Variants in SYNC observed in about 807,000 individuals in gnomAD.
SYNC encodes syncoilin.
SYNC carries 38 observed loss-of-function variants against 49.5 expected under a neutral mutation model. That is an observed-to-expected ratio of 0.77 (90% CI 0.59 to 1.01). The LOEUF is 1.01. SYNC is among the 50% of genes least tolerant of loss of function. The pLI is 0.00. For missense variants in SYNC, 579 were observed against 580.6 expected (o/e 1.00, Z 0.03); for synonymous variants, 201 against 230.8 (o/e 0.87, Z 1.17).
rs1650413030 is a variant in SYNC at position 32,695,999 on chromosome 1, T to C, written c.99A>G (p.Gly33=). Reference sequence around the variant, plus strand: ...TCAAGGCTTCTGCCTCATTTAGGGATCCAGAGTTCTTTGGAAGAGGAGAAT... The same window carrying C: ...TCAAGGCTTCTGCCTCATTTAGGGACCCAGAGTTCTTTGGAAGAGGAGAAT... ...EANSPLPKNS[G]SLNEAEALNP... is the part of the protein sequence containing the mutation. The change falls in exon 2 of 5, where the codon GGA becomes GGG. Residue 33 remains glycine, a synonymous_variant. Coordinates refer to ENST00000409190, the MANE Select transcript of SYNC (RefSeq NM_030786.3). The C allele has an allele frequency of 1.3e-6, 2 of 1,539,998 alleles. No homozygotes were observed. Among genetic ancestry groups the C allele is most frequent in the Non-Finnish European group, 1.7e-6 (2 of 1,146,922 alleles).
At chr1:32,681,903 G>C (rs780150614) in intron 4 of SYNC, 43 bp from the exon 5 acceptor site, 5 of 1,560,830 alleles carry the variant, frequency 3.2e-6, no homozygotes, top group Non-Finnish European at 4.4e-6. Flanking sequence ...GAACTTCTGA[G>C]GTTTAGTTAC....
In SYNC at chr1:32,695,076, T is replaced by C; in HGVS notation, c.1022A>G (p.Glu341Gly). 1 of 1,613,446 alleles carries C rather than the reference T, an allele frequency of 6.2e-7. No individual in the cohort carries two copies. The highest frequency in any genetic ancestry group is 1.1e-5 in the South Asian group (1 of 91,064). The change falls in exon 2 of 5, where the codon GAG becomes GGG. Residue 341 changes from glutamate (E) to glycine (G), a missense_variant. By Grantham distance (98) the Glu-to-Gly change is moderately conservative. Coordinates refer to ENST00000409190, the MANE Select transcript of SYNC (RefSeq NM_030786.3). ...CCGCAGGAACTGAGGCTCATACTCC[T>C]CCTCCAGGTCCTGGCGGCTCTCTGC... ...LMAESRQDLEEEYEPQFLRLL... is the reference protein window; with the variant it reads ...LMAESRQDLEGEYEPQFLRLL...
chr1:32,694,367 G>A (rs771573321), intron 2 of SYNC, among the ~76,000 whole-genome samples: 5 of 148,198 alleles, frequency 3.4e-5, no homozygotes, highest in Non-Finnish European at 7.5e-5. Flanking sequence ...AAAAAACAGA[G>A]TGCAGGCCGG....
chr1:32,682,089 C>A (rs1649478096), intron 4 of SYNC: 3 of 518,342 alleles, frequency 5.8e-6, no homozygotes, highest in Non-Finnish European at 1.0e-5. Flanking sequence ...GGTATAATTA[C>A]AATGCCTGAA....
At chr1:32,684,449 C>A in intron 2 of SYNC, 67 bp from the exon 3 acceptor site, 1 of 1,604,088 alleles carries the variant, frequency 6.2e-7, no homozygotes, top group South Asian at 1.1e-5. Flanking sequence ...TCCACTCTTA[C>A]TTATAAAACA....
chr1:32,699,219 T>C (rs1240111396), intron 1 of SYNC, among the ~76,000 whole-genome samples: 1 of 143,116 alleles, frequency 7.0e-6, no homozygotes, highest in Non-Finnish European at 1.5e-5. Flanking sequence ...AGTGGCGTGG[T>C]CTCAGCTCAC....
intron 2 of SYNC, among the ~76,000 whole-genome samples, chr1:32,687,855 A>ATTATTATTATTTTATT (rs71006359): frequency 7.4e-6 from 1 of 135,516 alleles, no homozygotes; most frequent in Non-Finnish European, 1.6e-5. Flanking sequence ...TATTATTATT[A>ATTATTATTATTTTATT]TTATTATTTT....
intron 1 of SYNC, among the ~76,000 whole-genome samples, chr1:32,700,746 GATGA>G (rs1320662080): frequency 6.6e-6 from 1 of 152,120 alleles, no homozygotes; most frequent in Non-Finnish European, 1.5e-5. Context: ...CCATTTTATA[GATGA>G]GGAAGCCAAT....
chr1:32,681,901 G>T, intron 4 of SYNC, 41 bp from the exon 5 acceptor site: 1 of 1,566,650 alleles, frequency 6.4e-7, no homozygotes. Context: ...GTGAACTTCT[G>T]AGGTTTAGTT....
intron 4 of SYNC, 67 bp downstream of exon 4, chr1:32,683,943 G>T: frequency 6.6e-7 from 1 of 1,516,588 alleles, no homozygotes; most frequent in Non-Finnish European, 9.1e-7. Flanking sequence ...TGTTTTTAAG[G>T]CATTAATTAG....
intron 2 of SYNC, chr1:32,684,690 GGTCTA>G (rs934647112): frequency 6.1e-5 from 17 of 278,912 alleles, no homozygotes; most frequent in African/African-American, 3.7e-4. Context: ...GGAGGATTTT[GGTCTA>G]GTTAGTGGGC....
chr1:32,695,558 C>G lies in SYNC; in HGVS notation c.540G>C (p.Gln180His). Residue 180 changes from glutamine (Q) to histidine (H), a missense_variant, in exon 2 of 5, where the codon CAG becomes CAC. Gln to His is a conservative substitution (Grantham distance 24). Transcript: ENST00000409190. ...GCTGGGCCACAGCTTGGACACACTG[C>G]TGGAAACGCCCCTCTAGCAATTCCA... ...EDLELLEGRF[Q>H]QCVQAVAQLE... 1.3e-6 allele frequency: 2 copies of G among 1,551,518 alleles called. No individual in the cohort carries two copies. The highest frequency in any genetic ancestry group is 1.7e-6 in the Non-Finnish European group (2 of 1,146,962).
At chr1:32,681,997 C>A in intron 4 of SYNC, 137 bp from the exon 5 acceptor site, 1 of 722,348 alleles carries the variant, frequency 1.4e-6, no homozygotes, top group Non-Finnish European at 2.4e-6. Flanking sequence ...ATTTGGATGC[C>A]TCCTGTTTGT....
chr1:32,695,320 G>A lies in SYNC; in HGVS notation c.778C>T (p.Leu260=). The stretch of plus-strand genomic sequence containing the variant: ...GCCACGTCCTGCTGGCGGCACTCCA[G>A]CTGGTATTGGTAGGCCACACATTCC... ...TKECVAYQYQ[L]ECRQQDVAQF... The change falls in exon 2 of 5, where the codon CTG becomes TTG. Residue 260 remains leucine, a synonymous_variant. Coordinates refer to ENST00000409190, the MANE Select transcript of SYNC (RefSeq NM_030786.3). 2 of 1,551,722 alleles carry A rather than the reference G, an allele frequency of 1.3e-6. No homozygotes were observed. The highest frequency in any genetic ancestry group is 1.7e-6 in the Non-Finnish European group (2 of 1,147,082).
chr1:32,680,356 G>GT lies in SYNC; in HGVS notation c.*1493_*1494insA, dbSNP rs1649351935. ...AAATGGTGTTTTTTTTTTTGTTGTTGGTTTTTTTTTTTTTTTTTTTAACTT... is the reference window on the plus strand; with the variant it reads ...AAATGGTGTTTTTTTTTTTGTTGTTGTGTTTTTTTTTTTTTTTTTTTAACTT... On this transcript the variant is annotated 3_prime_UTR_variant, in exon 5 of 5. Transcript: ENST00000409190. 2 of 1,132,612 alleles carry GT rather than the reference G, an allele frequency of 1.8e-6. No individual in the cohort carries two copies. The highest frequency in any genetic ancestry group is 5.3e-5 in the Admixed American group (1 of 18,916). The allele number at this position is 1,132,612 out of a possible 1,614,324, so 70.2% of individuals were successfully genotyped here. A position where few individuals can be genotyped will look rare whatever the true frequency, so the allele number is the denominator to read the frequency against.
At chr1:32,688,119 G>T (rs1649978986) in intron 2 of SYNC, among the ~76,000 whole-genome samples, 1 of 151,960 alleles carries the variant, frequency 6.6e-6, no homozygotes, top group Non-Finnish European at 1.5e-5. Flanking sequence ...ACAGGTGTGA[G>T]CCACTGCTCC....
upstream of SYNC, chr1:32,702,816 G>C: frequency 5.9e-6 from 3 of 510,698 alleles, no homozygotes; most frequent in Non-Finnish European, 7.7e-6. The surrounding 1 kb of genome is among the most constrained non-coding windows in gnomAD (Gnocchi z 6.2). Flanking sequence ...GGCTCCTGCC[G>C]GGGGAGGAGG....
Position 32,694,990 on chromosome 1 carries a change from C to T in SYNC, c.1108G>A (p.Glu370Lys). The change falls in exon 2 of 5, where the codon GAA becomes AAA. Residue 370 changes from glutamate to lysine, a missense_variant. Transcript: ENST00000409190. ...ALQRTQAEIQ[E>K]MKEALRPLQA... is the part of the protein sequence containing the mutation. ...AGGGGTCTCAGAGCCTCCTTCATTT[C>T]CTGGATCTCAGCCTGGGTTCTCTGC... 3 of 1,614,084 alleles carry T rather than the reference C, an allele frequency of 1.9e-6. No homozygotes were observed. Among genetic ancestry groups the T allele is most frequent in the Non-Finnish European group, 2.5e-6 (3 of 1,180,026 alleles).
chr1:32,685,294 T>C (rs1160814394), intron 2 of SYNC: 1 of 152,198 alleles, frequency 6.6e-6, no homozygotes, highest in Admixed American at 6.5e-5. Context: ...CTGTAAATTT[T>C]CCCTGCCTAG....
Sources: gnomAD v4.1 joint callset for allele counts (sites outside exome capture counted in the v4.1 genomes callset) on GRCh38, gnomAD v4.1.1 for gene constraint, Gnocchi (gnomAD v3.1) non-coding constraint, MANE v1.5 for transcripts, NCBI Gene and HGNC (gene_info 2026-07-23, HGNC 2026-07-21) for gene names.